Variants in DGKB observed in about 807,000 individuals in gnomAD.
DGKB encodes diacylglycerol kinase beta, also known as 90 kDa diacylglycerol kinase.
In DGKB, 67 loss-of-function variants were observed where a neutral mutation model predicts 114.3. The ratio of observed to expected loss-of-function variants is 0.59; its 90% CI spans 0.48 to 0.72. The LOEUF is 0.72. Among genes scored for constraint, DGKB ranks in the 30% least tolerant of loss-of-function variants. The pLI, the probability that DGKB is intolerant of heterozygous loss-of-function variation, is 0.00. For missense variants in DGKB, 907 were observed against 975.2 expected (o/e 0.93, Z 0.93); for synonymous variants, 398 against 323.1 (o/e 1.23, Z -2.49).
intron 17 of DGKB, among the ~76,000 whole-genome samples, chr7:14,606,691 G>A (rs1165417906): frequency 3.3e-5 from 5 of 151,602 alleles, no homozygotes; most frequent in Admixed American, 6.6e-5. Context: ...AGAAAGAAAA[G>A]AGGTCAATGA....
intron 23 of DGKB, among the ~76,000 whole-genome samples, chr7:14,300,009 T>TA (rs1190478667): frequency 6.6e-6 from 1 of 152,106 alleles, no homozygotes; most frequent in African/African-American, 2.4e-5. Context: ...AGATGGCCAC[T>TA]ATATTTGTAT....
chr7:14,514,300 T>G (rs1339164846), intron 20 of DGKB, among the ~76,000 whole-genome samples: 1 of 152,156 alleles, frequency 6.6e-6, no homozygotes, highest in Non-Finnish European at 1.5e-5. Context: ...AAATTAAACA[T>G]TTAGTTCAGA....
At chr7:14,972,113 A>G (rs1463483827) in intron 1 of DGKB, among the ~76,000 whole-genome samples, 2 of 152,126 alleles carry the variant, frequency 1.3e-5, no homozygotes, top group East Asian at 1.9e-4. Context: ...GCCAGTTTAC[A>G]TTAGGTTCTA....
chr7:14,441,224 G>A (rs192568662), intron 21 of DGKB, among the ~76,000 whole-genome samples: 9 of 152,042 alleles, frequency 5.9e-5, no homozygotes, highest in Middle Eastern at 6.8e-3. Context: ...TGGCTAGGCT[G>A]GTCTTGAACT....
intron 17 of DGKB, among the ~76,000 whole-genome samples, chr7:14,605,047 G>A (rs1033737410): frequency 5.3e-5 from 8 of 151,986 alleles, no homozygotes; most frequent in Non-Finnish European, 1.2e-4. Flanking sequence ...TCTACTCATA[G>A]CCACTGATAC....
intron 2 of DGKB, among the ~76,000 whole-genome samples, chr7:14,834,468 C>A (rs963037587): frequency 6.6e-6 from 1 of 152,022 alleles, no homozygotes; most frequent in African/African-American, 2.4e-5. Context: ...ATTGCTTAGG[C>A]CAAAGAAATA....
At chr7:14,342,891 T>C (rs1439467930) in intron 22 of DGKB, among the ~76,000 whole-genome samples, 1 of 151,896 alleles carries the variant, frequency 6.6e-6, no homozygotes, top group African/African-American at 2.4e-5. Flanking sequence ...AGTTTGATTT[T>C]GAAAAAGCTG....
At chr7:14,346,323 G>A (rs1812467931) in intron 21 of DGKB, among the ~76,000 whole-genome samples, 1 of 151,824 alleles carries the variant, frequency 6.6e-6, no homozygotes, top group Non-Finnish European at 1.5e-5. Context: ...CTAATAGAGT[G>A]CTTATTATTA....
At chr7:14,232,438 C>G (rs1562689203) in intron 23 of DGKB, among the ~76,000 whole-genome samples, 1 of 149,304 alleles carries the variant, frequency 6.7e-6, no homozygotes, top group African/African-American at 2.5e-5. Flanking sequence ...ATTATTATTA[C>G]TATTATTATT....
At chr7:14,773,695 C>G (rs1837741633) in intron 2 of DGKB, among the ~76,000 whole-genome samples, 1 of 152,100 alleles carries the variant, frequency 6.6e-6, no homozygotes, top group Admixed American at 6.6e-5. Flanking sequence ...TCAAAACCCT[C>G]TACCTTAGAA....
intron 1 of DGKB, among the ~76,000 whole-genome samples, chr7:14,923,159 A>G (rs1022109335): frequency 6.6e-6 from 1 of 152,144 alleles, no homozygotes; most frequent in Admixed American, 6.5e-5. Flanking sequence ...TGTCTGTCAA[A>G]TTGTGATTTT....
intron 12 of DGKB, 25 bp downstream of exon 12, chr7:14,682,528 G>T: frequency 1.3e-6 from 2 of 1,511,970 alleles, no homozygotes; most frequent in Non-Finnish European, 9.2e-7. Context: ...TGAATGCTGG[G>T]ATTTGTTTTC....
intron 16 of DGKB, among the ~76,000 whole-genome samples, chr7:14,612,813 C>T (rs1805806358): frequency 6.6e-6 from 1 of 152,052 alleles, no homozygotes; most frequent in Non-Finnish European, 1.5e-5. Flanking sequence ...TCATTCATTA[C>T]AAAATAAAAT....
At chr7:14,170,151 AAGAAAGAAAGAAAG>A (rs1780711772) in intron 25 of DGKB, among the ~76,000 whole-genome samples, 1 of 68,402 alleles carries the variant, frequency 1.5e-5, no homozygotes, top group Non-Finnish European at 2.6e-5. Flanking sequence ...AAAAAAAAGA[AAGAAAGAAAGAAAG>A]AAAGAAAGAA....
intron 14 of DGKB, among the ~76,000 whole-genome samples, chr7:14,623,613 C>A (rs1011890536): frequency 2.0e-5 from 3 of 152,076 alleles, no homozygotes; most frequent in African/African-American, 7.2e-5. Context: ...ATTTACCTTG[C>A]AATTCCATGG....
intron 17 of DGKB, among the ~76,000 whole-genome samples, chr7:14,588,153 TTTC>T (rs140694906): frequency 1.2e-3 from 181 of 152,264 alleles, no homozygotes; most frequent in African/African-American, 4.3e-3. Flanking sequence ...TTTCATTTTA[TTTC>T]TTATTTTTGT....
intron 21 of DGKB, among the ~76,000 whole-genome samples, chr7:14,355,153 C>T (rs1056097071): frequency 6.6e-6 from 1 of 152,136 alleles, no homozygotes. Context: ...CTCCCCCTCC[C>T]TCCCTCTCTC....
At chr7:14,963,339 A>G (rs898104895) in intron 1 of DGKB, among the ~76,000 whole-genome samples, 2 of 152,138 alleles carry the variant, frequency 1.3e-5, no homozygotes, top group African/African-American at 4.8e-5. Context: ...AAAGATGGGA[A>G]GTATGGTAGC....
intron 6 of DGKB, among the ~76,000 whole-genome samples, chr7:14,708,410 A>T (rs1199173999): frequency 7.4e-6 from 1 of 134,476 alleles, no homozygotes; most frequent in Non-Finnish European, 1.6e-5. Flanking sequence ...TACAGATTCA[A>T]TGCCATCCCC....
Sources: gnomAD v4.1 joint callset for allele counts (sites outside exome capture counted in the v4.1 genomes callset) on GRCh38, gnomAD v4.1.1 for gene constraint, MANE v1.5 for transcripts, NCBI Gene and HGNC (gene_info 2026-07-23, HGNC 2026-07-21) for gene names.